The following LUZP2 variants were observed in gnomAD, a reference collection of about 807,000 sequenced individuals.
LUZP2 encodes the protein leucine zipper protein 2.
LUZP2 carries 52 observed loss-of-function variants against 51.6 expected under a neutral mutation model. The ratio of observed to expected loss-of-function variants is 1.01; its 90% CI spans 0.81 to 1.27. The LOEUF (loss-of-function observed/expected upper bound fraction) is 1.27. Ranked by LOEUF, LUZP2 falls within the 50% of genes most tolerant of loss-of-function variation. LUZP2 has a pLI of 0.00. For synonymous variants in LUZP2, 154 were observed against 137.3 expected (o/e 1.12, Z -0.85); for missense variants, 436 against 395.4 (o/e 1.10, Z -0.87).
intron 5 of LUZP2, among the ~76,000 whole-genome samples, chr11:24,869,839 C>T (rs10834514): frequency 0.15 from 22,831 of 151,988 alleles, 1,786 homozygotes; most frequent in African/African-American, 0.17. Context: ...AAGAAAGAGT[C>T]GCAAGTCTCT....
chr11:25,016,747 G>A (rs991348833), intron 9 of LUZP2, among the ~76,000 whole-genome samples: 4 of 152,082 alleles, frequency 2.6e-5, no homozygotes, highest in African/African-American at 9.7e-5. Flanking sequence ...ATATGCATGT[G>A]TCTTTTTCAT....
rs564163361 is a variant in LUZP2, at chr11:24,669,697, CT to C, written c.63-59470del. Among the ~76,000 whole-genome samples, 161 of 152,126 alleles carry C rather than the reference CT, an allele frequency of 1.1e-3. 1 individual carries two copies. The highest frequency in any genetic ancestry group is 3.8e-3 in the African/African-American group (158 of 41,554). On this transcript the variant is annotated intron_variant, in intron 1 of 11. Coordinates refer to ENST00000336930, the MANE Select transcript of LUZP2 (RefSeq NM_001009909.4). Reference sequence around the variant, plus strand: ...TCAGTAGCTAAACTTCATTGGTTTTCTTGATAGGATGTTCACGTGCGGTATT... The same window carrying C: ...TCAGTAGCTAAACTTCATTGGTTTTCTGATAGGATGTTCACGTGCGGTATT...
chr11:25,018,876 G>C (rs1857245427), intron 9 of LUZP2, among the ~76,000 whole-genome samples: 1 of 152,008 alleles, frequency 6.6e-6, no homozygotes, highest in Admixed American at 6.6e-5. Context: ...CCATAGTGCT[G>C]GGATTACAGA....
intron 1 of LUZP2, among the ~76,000 whole-genome samples, chr11:24,547,165 A>G (rs1443363779): frequency 6.7e-6 from 1 of 150,258 alleles, no homozygotes; most frequent in Non-Finnish European, 1.5e-5. Flanking sequence ...TCTGATGGTT[A>G]TTTATATTTC....
chr11:24,804,365 C>G (rs1351965199), intron 5 of LUZP2, among the ~76,000 whole-genome samples: 1 of 152,032 alleles, frequency 6.6e-6, no homozygotes, highest in Admixed American at 6.6e-5. Context: ...TTTTCCTAAC[C>G]CATCCCAAAG....
chr11:24,889,520 A>G (rs1852780169), intron 5 of LUZP2, among the ~76,000 whole-genome samples: 1 of 152,212 alleles, frequency 6.6e-6, no homozygotes. Context: ...AATGATCATT[A>G]ATCATAAGTG....
intron 1 of LUZP2, among the ~76,000 whole-genome samples, chr11:24,669,714 G>A (rs547575005): frequency 2.0e-5 from 3 of 152,114 alleles, no homozygotes; most frequent in Admixed American, 6.5e-5. Flanking sequence ...GGATGTTCAC[G>A]TGCGGTATTT....
intron 5 of LUZP2, among the ~76,000 whole-genome samples, chr11:24,882,815 G>GGAGGAAAGGAGGAAGA (rs71044323): frequency 6.7e-6 from 1 of 149,430 alleles, no homozygotes; most frequent in Non-Finnish European, 1.5e-5. Flanking sequence ...AGGGAAGAAG[G>GGAGGAAAGGAGGAAGA]GAGGGAGGGA....
chr11:24,648,922 A>T (rs1407735390), intron 1 of LUZP2, among the ~76,000 whole-genome samples: 2 of 151,928 alleles, frequency 1.3e-5, no homozygotes, highest in African/African-American at 4.8e-5. Flanking sequence ...GACCCCTCTA[A>T]ATATTTTCTA....
At chr11:24,753,858 G>A (rs929798999) in intron 4 of LUZP2, among the ~76,000 whole-genome samples, 4 of 151,974 alleles carry the variant, frequency 2.6e-5, no homozygotes, top group Non-Finnish European at 4.4e-5. Flanking sequence ...ACAATGCCAC[G>A]GATGGGTTTC....
intron 1 of LUZP2, among the ~76,000 whole-genome samples, chr11:24,509,324 G>A (rs1185308755): frequency 6.6e-5 from 10 of 151,920 alleles, no homozygotes; most frequent in African/African-American, 2.4e-4. Context: ...AGATGGCACT[G>A]TGAAGTATAG....
chr11:24,848,482 C>G lies in LUZP2; in HGVS notation c.397-57509C>G, dbSNP rs572608658. Among the ~76,000 whole-genome samples the G allele has an allele frequency of 1.5e-3, 224 of 152,252 alleles. 1 individual carries two copies. Among genetic ancestry groups the G allele is most frequent in the Non-Finnish European group, 1.7e-3 (115 of 68,018 alleles). ...CCCTTCCACTCCTGCCTTGTTGCCC[C>G]TATACATTCTTAGCTGCCAGTTTGC... On this transcript the variant is annotated intron_variant, in intron 5 of 11. Coordinates refer to ENST00000336930, the MANE Select transcript of LUZP2 (RefSeq NM_001009909.4).
At chr11:24,633,407 T>G (rs1034305230) in intron 1 of LUZP2, among the ~76,000 whole-genome samples, 10 of 152,028 alleles carry the variant, frequency 6.6e-5, no homozygotes, top group African/African-American at 2.4e-4. Context: ...CATTTTAAAA[T>G]AATTTTCTAA....
At chr11:24,918,245 T>C (rs906746923) in intron 7 of LUZP2, among the ~76,000 whole-genome samples, 1 of 152,110 alleles carries the variant, frequency 6.6e-6, no homozygotes, top group Non-Finnish European at 1.5e-5. Flanking sequence ...GCTGAGACGA[T>C]GGGGTTTTCT....
intron 7 of LUZP2, among the ~76,000 whole-genome samples, chr11:24,915,031 T>C (rs189490306): frequency 2.0e-4 from 31 of 152,240 alleles, no homozygotes; most frequent in African/African-American, 7.5e-4. Flanking sequence ...TTGTTGAAAA[T>C]TTTTATGACT....
At chr11:24,710,256 C>T (rs1311080114) in intron 1 of LUZP2, among the ~76,000 whole-genome samples, 2 of 152,112 alleles carry the variant, frequency 1.3e-5, no homozygotes, top group Non-Finnish European at 2.9e-5. Context: ...TCTGTAGAAT[C>T]TGAGATATCA....
At chr11:24,911,576 G>A (rs1351290046) in intron 6 of LUZP2, among the ~76,000 whole-genome samples, 1 of 152,038 alleles carries the variant, frequency 6.6e-6, no homozygotes, top group African/African-American at 2.4e-5. Flanking sequence ...CTGTGAAGAG[G>A]TGCCTTCCAC....
At chr11:25,051,807 T>A (rs1858525419) in intron 10 of LUZP2, among the ~76,000 whole-genome samples, 1 of 152,218 alleles carries the variant, frequency 6.6e-6, no homozygotes, top group Admixed American at 6.5e-5. Context: ...AAACATGTTC[T>A]CATTGGAGGC....
At position 25,032,155 on chromosome 11, in the gene LUZP2, C is replaced by A. The variant is rs559075266; in HGVS notation, c.766-17883C>A. On this transcript the variant is annotated intron_variant, in intron 9 of 11. Transcript: ENST00000336930. Reference sequence around the variant, plus strand: ...GAAGGGCCAGGGAGTGTATTCCTCCCTAGCGCCTCCAGAAACACACATAGT... The same window carrying A: ...GAAGGGCCAGGGAGTGTATTCCTCCATAGCGCCTCCAGAAACACACATAGT... Among the ~76,000 whole-genome samples the A allele has an allele frequency of 2.6e-5, 4 of 152,266 alleles. No homozygotes were observed. The South Asian group carries it at 8.3e-4, about 32-fold the overall frequency.
Sources: gnomAD v4.1 joint callset for allele counts (sites outside exome capture counted in the v4.1 genomes callset) on GRCh38, gnomAD v4.1.1 for gene constraint, MANE v1.5 for transcripts, NCBI Gene and HGNC (gene_info 2026-07-23, HGNC 2026-07-21) for gene names.